The following WWOX variants were observed in gnomAD, a reference collection of about 807,000 sequenced individuals.
WWOX encodes the protein WW domain-containing oxidoreductase.
A neutral mutation model predicts 46.2 loss-of-function variants in WWOX; 69 were observed. The observed-to-expected ratio is 1.49, with a 90% CI of 1.23 to 1.82. The LOEUF (loss-of-function observed/expected upper bound fraction) is 1.82. Ranked by LOEUF, WWOX falls within the 40% of genes most tolerant of loss-of-function variation. The pLI, the probability that WWOX is intolerant of heterozygous loss-of-function variation, is 0.00. For missense variants in WWOX, 919 were observed against 542.6 expected (o/e 1.69, Z -6.89); for synonymous variants, 359 against 202.6 (o/e 1.77, Z -6.56).
intron 8 of WWOX, among the ~76,000 whole-genome samples, chr16:78,976,554 A>G (rs768313500): frequency 2.0e-5 from 3 of 152,220 alleles, no homozygotes; most frequent in Non-Finnish European, 4.4e-5. Context: ...TCATAGCTTG[A>G]TCTAGGTCTC....
At chr16:78,946,753 G>T (rs1485376916) in intron 8 of WWOX, among the ~76,000 whole-genome samples, 1 of 149,694 alleles carries the variant, frequency 6.7e-6, no homozygotes, top group African/African-American at 2.6e-5. Flanking sequence ...GGATGCAGTG[G>T]TCCACAGAAT....
intron 8 of WWOX, among the ~76,000 whole-genome samples, chr16:78,957,231 C>T (rs191900141): frequency 3.3e-5 from 5 of 152,278 alleles, no homozygotes; most frequent in East Asian, 3.9e-4. Flanking sequence ...ACCACACCGC[C>T]GTCCTTTTGT....
intron 8 of WWOX, among the ~76,000 whole-genome samples, chr16:78,578,557 G>T (rs2151584982): frequency 6.6e-6 from 1 of 151,614 alleles, no homozygotes; most frequent in East Asian, 1.9e-4. Flanking sequence ...CAAAGTGCTG[G>T]GATTACAGGC....
chr16:78,970,079 C>T (rs1463652370), intron 8 of WWOX, among the ~76,000 whole-genome samples: 2 of 152,064 alleles, frequency 1.3e-5, no homozygotes, highest in Non-Finnish European at 2.9e-5. Context: ...GCTCAAATTT[C>T]CCAAGTGCCC....
At chr16:78,791,902 C>G (rs1337534881) in intron 8 of WWOX, among the ~76,000 whole-genome samples, 1 of 152,030 alleles carries the variant, frequency 6.6e-6, no homozygotes, top group Admixed American at 6.6e-5. Context: ...ACAACAACAA[C>G]AAACAAACAA....
intron 6 of WWOX, among the ~76,000 whole-genome samples, chr16:78,417,588 T>A (rs1189000072): frequency 1.3e-5 from 2 of 152,204 alleles, no homozygotes; most frequent in Non-Finnish European, 2.9e-5. Flanking sequence ...GGAGTTCAAA[T>A]GTAAGTCTCT....
At chr16:78,593,058 A>G (rs2045388598) in intron 8 of WWOX, among the ~76,000 whole-genome samples, 1 of 152,170 alleles carries the variant, frequency 6.6e-6, no homozygotes, top group South Asian at 2.1e-4. Flanking sequence ...TGTCTAGGCA[A>G]ATACAAAAGC....
intron 8 of WWOX, among the ~76,000 whole-genome samples, chr16:78,884,645 C>G (rs1278273806): frequency 6.6e-6 from 1 of 152,172 alleles, no homozygotes; most frequent in African/African-American, 2.4e-5. Flanking sequence ...AAAAAGCAAA[C>G]TATTCCTATT....
At chr16:79,172,045 G>A (rs2050709720) in intron 8 of WWOX, among the ~76,000 whole-genome samples, 1 of 152,198 alleles carries the variant, frequency 6.6e-6, no homozygotes, top group African/African-American at 2.4e-5. Context: ...AGCCTGTGGA[G>A]CGAGGGCAAG....
intron 8 of WWOX, among the ~76,000 whole-genome samples, chr16:79,047,535 A>G (rs1386087663): frequency 1.3e-5 from 2 of 152,132 alleles, no homozygotes; most frequent in African/African-American, 2.4e-5. Flanking sequence ...AACTCCCTCT[A>G]GGGGCCACCA....
intron 5 of WWOX, among the ~76,000 whole-genome samples, chr16:78,253,258 C>G (rs1456341976): frequency 6.6e-6 from 1 of 152,182 alleles, no homozygotes; most frequent in Non-Finnish European, 1.5e-5. Flanking sequence ...TCATATAACA[C>G]TTAGCATGTC....
At chr16:78,247,120 C>T (rs2037838246) in intron 5 of WWOX, among the ~76,000 whole-genome samples, 1 of 152,052 alleles carries the variant, frequency 6.6e-6, no homozygotes, top group Admixed American at 6.5e-5. Context: ...TGCCCTTCCC[C>T]AGCCCCCTTT....
At chr16:78,964,379 C>G (rs1040130329) in intron 8 of WWOX, among the ~76,000 whole-genome samples, 1 of 152,106 alleles carries the variant, frequency 6.6e-6, no homozygotes, top group South Asian at 2.1e-4. Context: ...AATTGGAGCA[C>G]AGGTGACTCT....
At chr16:78,132,653 C>T (rs1597246319) in intron 4 of WWOX, among the ~76,000 whole-genome samples, 1 of 152,118 alleles carries the variant, frequency 6.6e-6, no homozygotes, top group Admixed American at 6.5e-5. Flanking sequence ...TGAGTGGCAG[C>T]CTTACCCATT....
chr16:79,128,193 A>G (rs756817846), intron 8 of WWOX, among the ~76,000 whole-genome samples: 2 of 152,228 alleles, frequency 1.3e-5, no homozygotes, highest in African/African-American at 2.4e-5. Context: ...CCCTGCCAGA[A>G]TCATTTGAGC....
intron 8 of WWOX, among the ~76,000 whole-genome samples, chr16:78,940,696 G>C (rs1203600951): frequency 2.1e-5 from 2 of 97,124 alleles, no homozygotes; most frequent in Non-Finnish European, 4.3e-5. Context: ...TTTTCCTTTT[G>C]AATGACCACA....
chr16:78,391,528 C>T (rs953709111), intron 6 of WWOX, among the ~76,000 whole-genome samples: 18 of 152,304 alleles, frequency 1.2e-4, no homozygotes, highest in African/African-American at 4.1e-4. Flanking sequence ...GTGTGGATTT[C>T]TGTATTGGTT....
At chr16:78,999,773 C>T (rs1256526737) in intron 8 of WWOX, among the ~76,000 whole-genome samples, 1 of 152,130 alleles carries the variant, frequency 6.6e-6, no homozygotes, top group Admixed American at 6.5e-5. Flanking sequence ...GTTCACTATT[C>T]AGATGATGGA....
intron 8 of WWOX, among the ~76,000 whole-genome samples, chr16:78,979,107 C>G (rs928135101): frequency 6.9e-6 from 1 of 144,572 alleles, no homozygotes; most frequent in Admixed American, 7.0e-5. Flanking sequence ...TTTCCCTATA[C>G]AGACACAGGA....
Sources: allele counts gnomAD v4.1 joint callset (sites outside exome capture counted in the v4.1 genomes callset), GRCh38; gene constraint gnomAD v4.1.1; transcripts MANE v1.5; gene names NCBI Gene and HGNC (gene_info 2026-07-23, HGNC 2026-07-21).